KAT6B: variants seen among roughly 807,000 people sequenced by gnomAD.
The protein encoded by KAT6B is histone acetyltransferase KAT6B.
Under a neutral mutation model 187.5 loss-of-function variants are expected in KAT6B, and 10 were observed. That is an observed-to-expected ratio of 0.05 (90% confidence interval 0.03 to 0.09). The LOEUF is 0.09. Among genes scored for constraint, KAT6B ranks in the 10% least tolerant of loss-of-function variants. The probability of loss-of-function intolerance (pLI) is 1.00; values close to 1 mark genes in which losing one functional copy is unlikely to be tolerated. For missense variants in KAT6B, 1,952 were observed against 2,558.9 expected, an observed-to-expected ratio of 0.76 and a Z score of 5.12; for synonymous variants, 861 against 926.8, an observed-to-expected ratio of 0.93 and a Z score of 1.29.
chr10:74,844,263 A>G (rs1382644399), intron 3 of KAT6B, among the ~76,000 whole-genome samples: 4 of 146,956 alleles, frequency 2.7e-5, no homozygotes, highest in Non-Finnish European at 4.5e-5. Flanking sequence ...CAGTGGCACA[A>G]TCTCGGCTCA....
intron 3 of KAT6B, among the ~76,000 whole-genome samples, chr10:74,916,108 G>A (rs755750182): frequency 7.9e-5 from 12 of 152,300 alleles, no homozygotes; most frequent in Middle Eastern, 3.4e-3. Flanking sequence ...GTTGCAGTGA[G>A]CTGAGATTGT....
chr10:74,937,970 C>T (rs577005158), intron 3 of KAT6B, among the ~76,000 whole-genome samples: 1 of 152,116 alleles, frequency 6.6e-6, no homozygotes, highest in Non-Finnish European at 1.5e-5. Context: ...AAACATACCC[C>T]AAACATACCC....
At chr10:74,914,218 C>T (rs1422892003) in intron 3 of KAT6B, among the ~76,000 whole-genome samples, 1 of 151,624 alleles carries the variant, frequency 6.6e-6, no homozygotes, top group Non-Finnish European at 1.5e-5. Context: ...AAAAGTATTA[C>T]TTATTTAGTA....
intron 3 of KAT6B, among the ~76,000 whole-genome samples, chr10:74,935,380 T>C (rs1166245811): frequency 7.2e-6 from 1 of 138,840 alleles, no homozygotes; most frequent in African/African-American, 3.3e-5. Flanking sequence ...ACAATATATC[T>C]TTTTTTTTCA....
intron 1 of KAT6B, among the ~76,000 whole-genome samples, chr10:74,831,908 T>A (rs1172247873): frequency 1.3e-5 from 2 of 152,258 alleles, no homozygotes; most frequent in Non-Finnish European, 2.9e-5. Context: ...GATCCCTGAC[T>A]CTGATACTTC....
At chr10:74,964,782 C>G (rs1173781475) in intron 4 of KAT6B, among the ~76,000 whole-genome samples, 1 of 152,194 alleles carries the variant, frequency 6.6e-6, no homozygotes, top group Non-Finnish European at 1.5e-5. Context: ...AGTGGCACAC[C>G]GTTCGCTACT....
chr10:74,904,495 A>G (rs11001197), intron 3 of KAT6B, among the ~76,000 whole-genome samples: 3,392 of 152,196 alleles, frequency 0.022, 88 homozygotes, highest in Middle Eastern at 0.068. Context: ...GGTCTTTACA[A>G]TCTCTGACCC....
intron 2 of KAT6B, among the ~76,000 whole-genome samples, chr10:74,841,276 T>C (rs1344238908): frequency 6.6e-5 from 10 of 152,140 alleles, no homozygotes; most frequent in Admixed American, 6.5e-4. Context: ...ATGGACTTAG[T>C]TGGATTTTAG....
chr10:74,942,372 G>A (rs982037110), intron 3 of KAT6B, among the ~76,000 whole-genome samples: 4 of 151,912 alleles, frequency 2.6e-5, no homozygotes, highest in Admixed American at 2.6e-4. Context: ...TTAAGATAAG[G>A]AAAAACAATC....
At chr10:75,025,619 A>C (rs1845768508) in intron 17 of KAT6B, 1 of 261,374 alleles carries the variant, frequency 3.8e-6, no homozygotes, top group South Asian at 4.8e-5. Context: ...ATATATTATT[A>C]TCAGTGTGAG....
At chr10:75,024,248 AAAAT>A (rs1220032003) in intron 16 of KAT6B, 2 of 152,196 alleles carry the variant, frequency 1.3e-5, no homozygotes, top group Non-Finnish European at 2.9e-5. Flanking sequence ...ACAAAAAAGA[AAAAT>A]AAAAGAAAAA....
At chr10:74,828,863 G>A (rs1273960243) in intron 1 of KAT6B, among the ~76,000 whole-genome samples, 1 of 152,062 alleles carries the variant, frequency 6.6e-6, no homozygotes, top group South Asian at 2.1e-4. Flanking sequence ...CACCGCGCCC[G>A]GCCATTCATA....
At chr10:74,904,193 T>C (rs1358129000) in intron 3 of KAT6B, among the ~76,000 whole-genome samples, 2 of 152,226 alleles carry the variant, frequency 1.3e-5, no homozygotes, top group South Asian at 4.1e-4. Context: ...AATTACAGTG[T>C]AACACATAAC....
At position 75,028,564 on chromosome 10, in the gene KAT6B, T is replaced by C. The variant is rs755485693; in HGVS notation, c.3740T>C (p.Val1247Ala). 5 of 1,614,192 alleles carry C rather than the reference T, an allele frequency of 3.1e-6. No individual in the cohort carries two copies. The highest frequency in any genetic ancestry group is 2.2e-5 in the South Asian group (2 of 91,080). Reference sequence around the variant, plus strand: ...CCCGAACCTCTAAAGTGCAAACAAGTGTGGCCAAAAGGAACAAAGCGCGGT... The same window carrying C: ...CCCGAACCTCTAAAGTGCAAACAAGCGTGGCCAAAAGGAACAAAGCGCGGT... ...DNPEPLKCKQ[V>A]WPKGTKRGLS... Residue 1247 changes from valine to alanine, a missense_variant, in exon 18 of 18, where the codon GTG (valine) becomes GCG (alanine). Physicochemically the swap from Val to Ala is moderately conservative, Grantham distance 64 (BLOSUM62 0). This residue lies in a region of KAT6B where 758 missense variants were observed against 891.4 expected (regional missense o/e 0.85). Transcript: ENST00000287239.
chr10:74,943,545 T>A (rs1849852434), intron 3 of KAT6B, among the ~76,000 whole-genome samples: 2 of 152,106 alleles, frequency 1.3e-5, no homozygotes, highest in Admixed American at 1.3e-4. Context: ...ACTAGTTCAG[T>A]GGGAAGAAGA....
In KAT6B at chr10:74,976,137, C is replaced by A; in HGVS notation, c.1800C>A (p.His600Gln). ...KRDIRSRFIS[H>Q]SSSSSWGMAR... ...ATATTAGAAGTCGGTTTATTTCTCA[C>A]TCCTCCTCCTCTAGCTGGGGGATGG... Residue 600 changes from histidine to glutamine, a missense_variant, in exon 8 of 18, where the codon CAC becomes CAA. By Grantham distance (24) the His-to-Gln change is conservative. This residue lies in a region of KAT6B where 417 missense variants were observed against 508.9 expected (regional missense o/e 0.82). Coordinates refer to ENST00000287239, the MANE Select transcript of KAT6B (RefSeq NM_012330.4). 6.2e-7 allele frequency: 1 copy of A among 1,614,044 alleles called. No homozygotes were observed. The highest frequency in any genetic ancestry group is 8.5e-7 in the Non-Finnish European group (1 of 1,179,894).
intron 3 of KAT6B, among the ~76,000 whole-genome samples, chr10:74,893,708 G>A (rs970969478): frequency 2.0e-5 from 3 of 152,130 alleles, no homozygotes; most frequent in African/African-American, 7.2e-5. Flanking sequence ...GATCTCAGGT[G>A]ATCTGCCCAC....
At chr10:74,951,876 C>A (rs1840342710) in intron 3 of KAT6B, among the ~76,000 whole-genome samples, 1 of 152,170 alleles carries the variant, frequency 6.6e-6, no homozygotes, top group Non-Finnish European at 1.5e-5. Context: ...GAAACCAGTT[C>A]CCAACTTCAG....
At chr10:74,934,922 A>G (rs1416524304) in intron 3 of KAT6B, among the ~76,000 whole-genome samples, 1 of 152,158 alleles carries the variant, frequency 6.6e-6, no homozygotes, top group African/African-American at 2.4e-5. Context: ...CTCTTGACTT[A>G]TATCTACTGA....
Sources: allele counts gnomAD v4.1 joint callset (sites outside exome capture counted in the v4.1 genomes callset), GRCh38; gene constraint gnomAD v4.1.1; regional missense constraint gnomAD v4.1.1; transcripts MANE v1.5; gene names NCBI Gene and HGNC (gene_info 2026-07-23, HGNC 2026-07-21).